Variants in SLC19A3 observed in about 807,000 individuals in gnomAD.
The protein encoded by SLC19A3 is solute carrier family 19 member 3, also known as thiamine transporter 2.
Under a neutral mutation model 40.2 loss-of-function variants are expected in SLC19A3, and 31 were observed. That is an observed-to-expected ratio of 0.77 (90% CI 0.58 to 1.04). SLC19A3 has a LOEUF of 1.04. Among genes scored for constraint, SLC19A3 ranks in the 50% least tolerant of loss-of-function variants. The pLI, the probability that SLC19A3 is intolerant of heterozygous loss-of-function variation, is 0.00. For missense variants in SLC19A3, 592 were observed against 596.7 expected, an observed-to-expected ratio of 0.99 and a Z score of 0.08; for synonymous variants, 212 against 227.5, an observed-to-expected ratio of 0.93 and a Z score of 0.61.
At position 227,717,990 on chromosome 2, in the gene SLC19A3, C is replaced by T. The variant is rs779371229; in HGVS notation, c.-50G>A. ...ACCAAATCGCTCACTTGCCGCACGA[C>T]CACGCACCCGCGGCTGTCGGATGGA... On this transcript the variant is annotated 5_prime_UTR_variant, in exon 1 of 6. Transcript: ENST00000644224. The T allele has an allele frequency of 4.1e-6, 4 of 985,424 alleles. No homozygotes were observed. The highest frequency in any genetic ancestry group is 4.8e-6 in the Non-Finnish European group (4 of 829,954). 61.0% of individuals were successfully genotyped at this position (985,424 alleles called of 1,614,324 possible). A position where few individuals can be genotyped will look rare whatever the true frequency, so the allele number is the denominator to read the frequency against.
At position 227,700,619 on chromosome 2, in the gene SLC19A3, T is replaced by A. The variant is rs148877438; in HGVS notation, c.151-1055A>T. Among the ~76,000 whole-genome samples, 8 of 152,244 alleles carry A rather than the reference T, an allele frequency of 5.3e-5. No homozygotes were observed. In the East Asian group the frequency reaches 1.5e-3, roughly 29 times the overall value. ...ATCAAATATTTCAGCCCTTCCAACA[T>A]CTGGAAAGATATGGGAAAATAGGGA... On this transcript the variant is annotated intron_variant, in intron 2 of 5. Transcript: ENST00000644224.
At chr2:227,693,269 A>AAAC (rs146228810) in intron 4 of SLC19A3, among the ~76,000 whole-genome samples, 63 of 152,190 alleles carry the variant, frequency 4.1e-4, no homozygotes, top group East Asian at 1.5e-3. Flanking sequence ...AAACAAAATG[A>AAAC]AACAACAACA....
chr2:227,717,920 T>G, intron 1 of SLC19A3, 23 bp downstream of exon 1: 3 of 984,222 alleles, frequency 3.0e-6, no homozygotes, highest in Non-Finnish European at 3.6e-6. Context: ...CTTCAATTAA[T>G]TCGCCCCCCG....
chr2:227,697,829 G>A (rs1333177594), intron 3 of SLC19A3, among the ~76,000 whole-genome samples: 1 of 152,100 alleles, frequency 6.6e-6, no homozygotes, highest in Non-Finnish European at 1.5e-5. Context: ...TGTAATCCCA[G>A]CACTTTTGGA....
intron 1 of SLC19A3, among the ~76,000 whole-genome samples, chr2:227,712,776 T>C (rs999355469): frequency 3.3e-5 from 5 of 150,480 alleles, no homozygotes; most frequent in Non-Finnish European, 7.4e-5. Flanking sequence ...TGAATGAACA[T>C]AAAAAGAAAA....
At chr2:227,717,495 C>T (rs759626680) in intron 1 of SLC19A3, among the ~76,000 whole-genome samples, 2 of 152,100 alleles carry the variant, frequency 1.3e-5, no homozygotes, top group African/African-American at 4.8e-5. Context: ...CTTTTAGTTT[C>T]AATTAACTAA....
At chr2:227,695,501 T>G in intron 4 of SLC19A3, 2 of 203,644 alleles carry the variant, frequency 9.8e-6, no homozygotes, top group South Asian at 8.1e-5. Flanking sequence ...ACTCAGGAGG[T>G]TGAGGTTGGG....
At chr2:227,690,102 G>GA (rs1474318704) in intron 4 of SLC19A3, among the ~76,000 whole-genome samples, 6 of 152,076 alleles carry the variant, frequency 3.9e-5, no homozygotes, top group African/African-American at 1.4e-4. Context: ...TGCAAAACCA[G>GA]AAAAGAAATA....
chr2:227,687,307 A>G lies in SLC19A3; in HGVS notation c.*90T>C. The G allele has an allele frequency of 7.4e-7, 1 of 1,353,586 alleles. No homozygotes were observed. The highest frequency in any genetic ancestry group is 1.0e-6 in the Non-Finnish European group (1 of 983,728). The allele number at this position is 1,353,586 out of a possible 1,614,324, so 83.8% of individuals were successfully genotyped here. A position where few individuals can be genotyped will look rare whatever the true frequency, so the allele number is the denominator to read the frequency against. Reference sequence around the variant, plus strand: ...GAATCCAGATTTGCAAAGCATGTCAAGTTATGGCAAAACATATGCCACCCA... The same window carrying G: ...GAATCCAGATTTGCAAAGCATGTCAGGTTATGGCAAAACATATGCCACCCA... On this transcript the variant is annotated 3_prime_UTR_variant, in exon 6 of 6. Transcript: ENST00000644224.
At chr2:227,695,473 A>C (rs1318476144) in intron 4 of SLC19A3, 6 of 196,104 alleles carry the variant, frequency 3.1e-5, no homozygotes, top group Non-Finnish European at 6.3e-5. Context: ...ATGGTGGCAC[A>C]TGCTTGTCAT....
intron 4 of SLC19A3, among the ~76,000 whole-genome samples, chr2:227,694,548 C>T (rs544180212): frequency 5.7e-4 from 86 of 152,202 alleles, no homozygotes; most frequent in African/African-American, 1.7e-3. Context: ...CTTGATGAAG[C>T]TTTTGTCTCC....
At chr2:227,693,503 A>G (rs889275424) in intron 4 of SLC19A3, among the ~76,000 whole-genome samples, 1 of 152,212 alleles carries the variant, frequency 6.6e-6, no homozygotes, top group African/African-American at 2.4e-5. Flanking sequence ...AGTCTCTTCA[A>G]CAAATGGTGC....
intron 1 of SLC19A3, among the ~76,000 whole-genome samples, chr2:227,710,430 T>A (rs1476809106): frequency 2.0e-5 from 3 of 152,144 alleles, no homozygotes; most frequent in Non-Finnish European, 2.9e-5. Context: ...GTGCGGTGGC[T>A]TACACCTGTA....
chr2:227,706,352 C>G, intron 1 of SLC19A3: 1 of 1,231,634 alleles, frequency 8.1e-7, no homozygotes, highest in Non-Finnish European at 1.0e-6. Context: ...CCTTCATTTT[C>G]TGTGTGTTCC....
intron 2 of SLC19A3, 196 bp downstream of exon 2, chr2:227,701,973 T>C (rs752941074): frequency 1.5e-4 from 87 of 574,234 alleles, no homozygotes; most frequent in Non-Finnish European, 2.4e-4. Context: ...ACATGTAATA[T>C]GTTTTGGCTG....
At chr2:227,709,769 G>A (rs1696076698) in intron 1 of SLC19A3, among the ~76,000 whole-genome samples, 1 of 152,104 alleles carries the variant, frequency 6.6e-6, no homozygotes, top group Non-Finnish European at 1.5e-5. Context: ...TATTGGGTGG[G>A]TGGAAAGAAA....
chr2:227,699,606 T>C, intron 2 of SLC19A3, 42 bp from the exon 3 acceptor site: 5 of 1,500,438 alleles, frequency 3.3e-6, no homozygotes, highest in Non-Finnish European at 4.6e-6. Flanking sequence ...GCACCGGTAC[T>C]TTACTAAGGT....
intron 1 of SLC19A3, among the ~76,000 whole-genome samples, chr2:227,711,531 A>T (rs988148912): frequency 6.6e-6 from 1 of 152,166 alleles, no homozygotes. Context: ...ACTTCATCTT[A>T]CTTGAAATGC....
chr2:227,699,881 C>T (rs566760750), intron 2 of SLC19A3, among the ~76,000 whole-genome samples: 2 of 152,036 alleles, frequency 1.3e-5, no homozygotes, highest in South Asian at 2.1e-4. Context: ...TAAGATTTTC[C>T]GATTCTTTTT....
Sources: allele counts gnomAD v4.1 joint callset (sites outside exome capture counted in the v4.1 genomes callset), GRCh38; gene constraint gnomAD v4.1.1; transcripts MANE v1.5; gene names NCBI Gene and HGNC (gene_info 2026-07-23, HGNC 2026-07-21).